Variants in MECOM observed in about 807,000 individuals in gnomAD.
MECOM encodes histone-lysine N-methyltransferase MECOM.
Under a neutral mutation model 116.3 loss-of-function variants are expected in MECOM, and 13 were observed. That is an observed-to-expected ratio of 0.11 (90% CI 0.07 to 0.18). The LOEUF is 0.18. Ranked by LOEUF, MECOM falls within the 10% of genes least tolerant of loss-of-function variation. The pLI is 1.00. For synonymous variants in MECOM, 528 were observed against 535.2 expected, an observed-to-expected ratio of 0.99 and a Z score of 0.19; for missense variants, 1,299 against 1,509.0, an observed-to-expected ratio of 0.86 and a Z score of 2.31.
At chr3:169,227,667 G>A (rs912783165) in intron 2 of MECOM, among the ~76,000 whole-genome samples, 3 of 152,162 alleles carry the variant, frequency 2.0e-5, no homozygotes, top group Non-Finnish European at 4.4e-5. Flanking sequence ...CCCAAGAAAT[G>A]CGTTGGAAAG....
intron 1 of MECOM, among the ~76,000 whole-genome samples, chr3:169,527,207 G>T (rs946025518): frequency 6.6e-6 from 1 of 152,190 alleles, no homozygotes; most frequent in Non-Finnish European, 1.5e-5. Context: ...TGGAGAAGGA[G>T]GGGGAGGAGG....
At position 169,227,744 on chromosome 3, in the gene MECOM, T is replaced by A. The variant is rs1560018116; in HGVS notation, c.376-83912A>T. Among the ~76,000 whole-genome samples the A allele has an allele frequency of 2.0e-5, 3 of 152,254 alleles. No individual in the cohort carries two copies. In the East Asian group the frequency reaches 5.8e-4, roughly 29 times the overall value. On this transcript the variant is annotated intron_variant, in intron 2 of 16. Transcript: ENST00000651503. ...GCAAATCATGGAATAAAATGCTTGTTTTAAAAAGGAAACAAGATTAGAAAA... is the reference window on the plus strand; with the variant it reads ...GCAAATCATGGAATAAAATGCTTGTATTAAAAAGGAAACAAGATTAGAAAA...
chr3:169,436,664 C>CT (rs1166258284), intron 1 of MECOM, among the ~76,000 whole-genome samples: 1 of 152,038 alleles, frequency 6.6e-6, no homozygotes, highest in Non-Finnish European at 1.5e-5. Context: ...ATAAAAAATC[C>CT]TTTTTTTCAA....
At chr3:169,276,624 T>A (rs1759613621) in intron 2 of MECOM, among the ~76,000 whole-genome samples, 1 of 147,708 alleles carries the variant, frequency 6.8e-6, no homozygotes, top group Admixed American at 6.7e-5. Flanking sequence ...CACAACTCAA[T>A]CTATGTCTGC....
At chr3:169,389,897 A>G (rs1390488100) in intron 1 of MECOM, among the ~76,000 whole-genome samples, 2 of 152,228 alleles carry the variant, frequency 1.3e-5, no homozygotes, top group Non-Finnish European at 2.9e-5. Context: ...GGCTGGACAC[A>G]TTAGTTGAGG....
chr3:169,577,323 T>C (rs1764633262), intron 1 of MECOM, among the ~76,000 whole-genome samples: 1 of 152,222 alleles, frequency 6.6e-6, no homozygotes, highest in Non-Finnish European at 1.5e-5. Flanking sequence ...AAAGACATTG[T>C]TGCTGATGCT....
At chr3:169,101,164 C>G (rs1723433047) in intron 11 of MECOM, among the ~76,000 whole-genome samples, 1 of 152,158 alleles carries the variant, frequency 6.6e-6, no homozygotes. Context: ...ATTCTAAGAT[C>G]TGGTTGAATT....
chr3:169,628,783 T>A (rs1235114097), intron 1 of MECOM, among the ~76,000 whole-genome samples: 1 of 152,086 alleles, frequency 6.6e-6, no homozygotes, highest in Non-Finnish European at 1.5e-5. Context: ...GGAGGAGCAT[T>A]CCCTGTCCAT....
At chr3:169,146,302 A>G (rs555689473) in intron 2 of MECOM, 72 of 1,264,444 alleles carry the variant, frequency 5.7e-5, no homozygotes, top group Non-Finnish European at 6.8e-5. Flanking sequence ...GTTACTTGGC[A>G]AGGTGGAACT....
At chr3:169,130,483 C>A (rs1207917683) in intron 4 of MECOM, among the ~76,000 whole-genome samples, 3 of 150,836 alleles carry the variant, frequency 2.0e-5, no homozygotes, top group South Asian at 2.1e-4. Context: ...CCCTCCCCCT[C>A]CCCCTGCAAA....
chr3:169,311,617 G>A (rs991206603), intron 2 of MECOM, among the ~76,000 whole-genome samples: 3 of 151,888 alleles, frequency 2.0e-5, no homozygotes, highest in Non-Finnish European at 4.4e-5. Context: ...GGCTTCATCT[G>A]GTTCCTGGTC....
In MECOM at chr3:169,611,373, C is replaced by G. The variant is rs530669578; in HGVS notation, c.37+51963G>C. Among the ~76,000 whole-genome samples the G allele has an allele frequency of 6.6e-6, 1 of 152,244 alleles. No individual in the cohort carries two copies. The highest frequency in any genetic ancestry group is 2.1e-4 in the South Asian group (1 of 4,816). Reference sequence around the variant, plus strand: ...TGGGATCCTGCAGCTCTCAACCATGCGGAGGAACGCTTCCATTCACACATT... The same window carrying G: ...TGGGATCCTGCAGCTCTCAACCATGGGGAGGAACGCTTCCATTCACACATT... On this transcript the variant is annotated intron_variant, in intron 1 of 16. Coordinates refer to ENST00000651503, the MANE Select transcript of MECOM (RefSeq NM_004991.4). This position sits in a 1 kb window ranked among gnomAD's most constrained non-coding sequence, Gnocchi z 4.1.
intron 1 of MECOM, among the ~76,000 whole-genome samples, chr3:169,656,564 T>C (rs544649266): frequency 2.0e-5 from 3 of 152,320 alleles, no homozygotes; most frequent in South Asian, 4.1e-4. Context: ...AAGAGTATGG[T>C]TCCAAGCAAA....
intron 1 of MECOM, among the ~76,000 whole-genome samples, chr3:169,610,497 ACG>A (rs1769111678): frequency 1.7e-5 from 2 of 116,860 alleles, no homozygotes; most frequent in Non-Finnish European, 3.5e-5. Context: ...ATGTAATGTT[ACG>A]TGTGTGTGTG....
At chr3:169,649,181 C>T (rs1423399659) in intron 1 of MECOM, among the ~76,000 whole-genome samples, 4 of 152,096 alleles carry the variant, frequency 2.6e-5, no homozygotes, top group Non-Finnish European at 5.9e-5. Flanking sequence ...AAACATCAGG[C>T]TGACACAGTG....
At chr3:169,393,943 A>T (rs1734622838) in intron 1 of MECOM, among the ~76,000 whole-genome samples, 1 of 152,170 alleles carries the variant, frequency 6.6e-6, no homozygotes, top group African/African-American at 2.4e-5. Flanking sequence ...AGCCATGTAA[A>T]TCTATACGAA....
intron 1 of MECOM, among the ~76,000 whole-genome samples, chr3:169,657,405 A>T (rs868645426): frequency 1.4e-4 from 21 of 152,218 alleles, no homozygotes; most frequent in Admixed American, 2.6e-4. Context: ...TTATTTTTTT[A>T]AAATCAACTT....
At chr3:169,501,694 T>G (rs1386976596) in intron 1 of MECOM, among the ~76,000 whole-genome samples, 1 of 152,122 alleles carries the variant, frequency 6.6e-6, no homozygotes, top group Non-Finnish European at 1.5e-5. Context: ...CAACTTCCTT[T>G]GCTTAAAATC....
At chr3:169,388,952 T>C (rs1316692908) in intron 1 of MECOM, among the ~76,000 whole-genome samples, 13 of 152,180 alleles carry the variant, frequency 8.5e-5, no homozygotes, top group Admixed American at 6.5e-4. Context: ...AATGGAAGTA[T>C]TGGGGGCAAG....
Sources: allele counts gnomAD v4.1 joint callset (sites outside exome capture counted in the v4.1 genomes callset), GRCh38; gene constraint gnomAD v4.1.1; non-coding constraint Gnocchi (gnomAD v3.1); transcripts MANE v1.5; gene names NCBI Gene and HGNC (gene_info 2026-07-23, HGNC 2026-07-21).